The following PDZRN3 variants were observed in gnomAD, a reference collection of about 807,000 sequenced individuals.
PDZRN3 encodes the protein E3 ubiquitin-protein ligase PDZRN3.
Under a neutral mutation model 85.7 loss-of-function variants are expected in PDZRN3, and 38 were observed. The ratio of observed to expected loss-of-function variants is 0.44; its 90% CI spans 0.34 to 0.58. The LOEUF is 0.58. Among genes scored for constraint, PDZRN3 ranks in the 20% least tolerant of loss-of-function variants. The probability of loss-of-function intolerance (pLI) is 0.01; values close to 1 mark genes in which losing one functional copy is unlikely to be tolerated. For missense variants in PDZRN3, 1,629 were observed against 1,506.4 expected, an observed-to-expected ratio of 1.08 and a Z score of -1.35; for synonymous variants, 759 against 638.0, an observed-to-expected ratio of 1.19 and a Z score of -2.86.
At chr3:73,493,717 G>T (rs4342049) in intron 3 of PDZRN3, among the ~76,000 whole-genome samples, 1 of 152,224 alleles carries the variant, frequency 6.6e-6, no homozygotes, top group Non-Finnish European at 1.5e-5. Context: ...GTGATGAAGA[G>T]GTGCCTCAGG....
intron 6 of PDZRN3, among the ~76,000 whole-genome samples, chr3:73,390,184 CAAT>C (rs1183696423): frequency 2.0e-5 from 3 of 152,176 alleles, no homozygotes; most frequent in East Asian, 1.9e-4. Context: ...AAAATCAAAT[CAAT>C]GATGTAGAAC....
chr3:73,616,393 G>C (rs1702764318), intron 1 of PDZRN3, among the ~76,000 whole-genome samples: 1 of 152,112 alleles, frequency 6.6e-6, no homozygotes, highest in Admixed American at 6.5e-5. Context: ...GGTTTTTCTG[G>C]CCAGTCTCTC....
At position 73,473,626 on chromosome 3, in the gene PDZRN3, T is replaced by C. The variant is rs369887978; in HGVS notation, c.919-69231A>G. ...GCTAAGCACTTTCATTGAAATTCAA[T>C]CTTCACTATAATCCTTTGAAGTACT... On this transcript the variant is annotated intron_variant, in intron 3 of 9. Transcript: ENST00000263666. 8.3e-4 allele frequency among the ~76,000 whole-genome samples: 127 copies of C among 152,354 alleles called. 4 individuals carry two copies. In the South Asian group the frequency reaches 0.025, roughly 30 times the overall value.
At chr3:73,558,908 T>A (rs1276518224) in intron 3 of PDZRN3, among the ~76,000 whole-genome samples, 1 of 152,210 alleles carries the variant, frequency 6.6e-6, no homozygotes, top group Non-Finnish European at 1.5e-5. Flanking sequence ...CACAAGTGCT[T>A]CCAAGGACAT....
intron 3 of PDZRN3, among the ~76,000 whole-genome samples, chr3:73,573,749 A>G (rs1702075913): frequency 6.6e-6 from 1 of 152,238 alleles, no homozygotes; most frequent in Non-Finnish European, 1.5e-5. Context: ...CTTTAAAAAT[A>G]GCCACACACA....
In PDZRN3 at chr3:73,404,413, G is replaced by T; in HGVS notation, c.919-18C>A. On this transcript the variant is annotated intron_variant, in intron 3 of 9. Transcript: ENST00000263666. ...CCGTTGACCTGTGGAAAAATATTTA[G>T]GGTGGGACAAGGTTAGAATAAAGCA... is the stretch of plus-strand genomic sequence containing the variant. 4.4e-6 allele frequency: 7 copies of T among 1,606,830 alleles called. No homozygotes were observed. Among genetic ancestry groups the T allele is most frequent in the Non-Finnish European group, 6.0e-6 (7 of 1,176,022 alleles).
intron 3 of PDZRN3, among the ~76,000 whole-genome samples, chr3:73,592,957 T>C (rs147090871): frequency 6.6e-6 from 1 of 152,204 alleles, no homozygotes; most frequent in Non-Finnish European, 1.5e-5. Context: ...AGCGTTCCCC[T>C]AGCGCTCGCT....
At chr3:73,460,847 G>T (rs1438977988) in intron 3 of PDZRN3, among the ~76,000 whole-genome samples, 3 of 151,854 alleles carry the variant, frequency 2.0e-5, no homozygotes, top group African/African-American at 7.3e-5. Flanking sequence ...AGGCTGTAGT[G>T]CAGTGGCACA....
chr3:73,491,911 A>T (rs1186095199), intron 3 of PDZRN3, among the ~76,000 whole-genome samples: 1 of 152,006 alleles, frequency 6.6e-6, no homozygotes, highest in Non-Finnish European at 1.5e-5. Context: ...AAGGTTCTTG[A>T]TTGGACCAGA....
At chr3:73,529,539 T>G (rs2106750971) in intron 3 of PDZRN3, among the ~76,000 whole-genome samples, 1 of 152,348 alleles carries the variant, frequency 6.6e-6, no homozygotes, top group South Asian at 2.1e-4. Context: ...ATGGCTCAGA[T>G]CATCCATTTC....
At chr3:73,573,755 A>G (rs1702076031) in intron 3 of PDZRN3, among the ~76,000 whole-genome samples, 1 of 152,244 alleles carries the variant, frequency 6.6e-6, no homozygotes, top group Non-Finnish European at 1.5e-5. Flanking sequence ...AAATAGCCAC[A>G]CACACAAATA....
intron 3 of PDZRN3, among the ~76,000 whole-genome samples, chr3:73,500,313 T>G (rs1302414266): frequency 6.6e-6 from 1 of 152,126 alleles, no homozygotes; most frequent in Non-Finnish European, 1.5e-5. Context: ...CCTCCTAAAG[T>G]GCTGGGATTA....
chr3:73,469,197 C>T lies in PDZRN3; in HGVS notation c.919-64802G>A, dbSNP rs141022860. Among the ~76,000 whole-genome samples the T allele has an allele frequency of 2.5e-3, 381 of 151,956 alleles. 2 individuals carry two copies. Among genetic ancestry groups the T allele is most frequent in the African/African-American group, 8.2e-3 (340 of 41,444 alleles). Reference sequence around the variant, plus strand: ...CAAGCAATTCTCTGACTCAGCCTCCCGAATAGCTGGAATTACAGGTGCCCA... The same window carrying T: ...CAAGCAATTCTCTGACTCAGCCTCCTGAATAGCTGGAATTACAGGTGCCCA... On this transcript the variant is annotated intron_variant, in intron 3 of 9. Coordinates refer to ENST00000263666, the MANE Select transcript of PDZRN3 (RefSeq NM_015009.3).
intron 1 of PDZRN3, among the ~76,000 whole-genome samples, chr3:73,614,184 G>A (rs186801275): frequency 6.6e-6 from 1 of 152,252 alleles, no homozygotes; most frequent in Non-Finnish European, 1.5e-5. Context: ...AATTGGTTGG[G>A]GGAAGAAAAG....
chr3:73,597,030 A>T (rs535744539), intron 3 of PDZRN3, among the ~76,000 whole-genome samples: 1 of 152,222 alleles, frequency 6.6e-6, no homozygotes, highest in Non-Finnish European at 1.5e-5. Flanking sequence ...ATCTGGGTTA[A>T]CGGTGTACAG....
intron 3 of PDZRN3, among the ~76,000 whole-genome samples, chr3:73,441,688 C>A (rs879671679): frequency 6.6e-6 from 1 of 152,132 alleles, no homozygotes; most frequent in Non-Finnish European, 1.5e-5. Flanking sequence ...GAATTTGTAA[C>A]CCCAAAGCAA....
intron 5 of PDZRN3, among the ~76,000 whole-genome samples, chr3:73,391,494 C>T (rs574121517): frequency 4.6e-5 from 7 of 152,286 alleles, no homozygotes; most frequent in Admixed American, 2.6e-4. Flanking sequence ...CAAATGTTTC[C>T]AATGTGTTTG....
chr3:73,384,255 G>C lies in PDZRN3; in HGVS notation c.2311C>G (p.Leu771Val), dbSNP rs559944564. The C allele has an allele frequency of 1.9e-6, 3 of 1,613,164 alleles. No individual in the cohort carries two copies. The highest frequency in any genetic ancestry group is 2.5e-6 in the Non-Finnish European group (3 of 1,179,806). ...AAGGAGTTGTCGGGGGAGATCTCCA[G>C]GGTGAGCGGGGTGCTGCGGCAGCTC... Reference protein sequence around the residue: ...GESCRSTPLTLEISPDNSLRR... With the variant: ...GESCRSTPLTVEISPDNSLRR... Residue 771 changes from leucine to valine, a missense_variant, in exon 10 of 10, where the codon CTG becomes GTG. Transcript: ENST00000263666.
intron 3 of PDZRN3, among the ~76,000 whole-genome samples, chr3:73,484,058 T>A (rs1690876710): frequency 6.6e-6 from 1 of 152,042 alleles, no homozygotes; most frequent in Admixed American, 6.5e-5. Context: ...GGTATAACAA[T>A]CCTGGCAAAC....
Sources: allele counts gnomAD v4.1 joint callset (sites outside exome capture counted in the v4.1 genomes callset), GRCh38; gene constraint gnomAD v4.1.1; transcripts MANE v1.5; gene names NCBI Gene and HGNC (gene_info 2026-07-23, HGNC 2026-07-21).